Variants in VTI1A observed in about 807,000 individuals in gnomAD.
VTI1A encodes the protein vesicle transport through interaction with t-SNAREs 1A.
Under a neutral mutation model 34.9 loss-of-function variants are expected in VTI1A, and 22 were observed. The ratio of observed to expected loss-of-function variants is 0.63; its 90% CI spans 0.45 to 0.90. The LOEUF (loss-of-function observed/expected upper bound fraction) is 0.90, where lower values mean the gene tolerates loss of function less well. Ranked by LOEUF, VTI1A falls within the 40% of genes least tolerant of loss-of-function variation. VTI1A has a pLI of 0.00. For synonymous variants in VTI1A, 87 were observed against 97.3 expected (o/e 0.89, Z 0.62); for missense variants, 268 against 275.6 (o/e 0.97, Z 0.20).
chr10:112,633,035 G>A (rs890181677), intron 5 of VTI1A, among the ~76,000 whole-genome samples: 1 of 152,082 alleles, frequency 6.6e-6, no homozygotes, highest in African/African-American at 2.4e-5. Context: ...CAAAAAGGTG[G>A]TCTGGGCTGG....
intron 5 of VTI1A, among the ~76,000 whole-genome samples, chr10:112,573,481 G>T (rs1852216739): frequency 6.6e-6 from 1 of 152,198 alleles, no homozygotes; most frequent in African/African-American, 2.4e-5. Context: ...GTATTTGCAT[G>T]TTTGGTGAAA....
At chr10:112,486,865 C>G (rs1251146600) in intron 3 of VTI1A, among the ~76,000 whole-genome samples, 1 of 151,556 alleles carries the variant, frequency 6.6e-6, no homozygotes, top group Non-Finnish European at 1.5e-5. Flanking sequence ...ACAGTAATTT[C>G]TGCATTTCCA....
intron 5 of VTI1A, among the ~76,000 whole-genome samples, chr10:112,561,909 A>G (rs1475428504): frequency 6.6e-6 from 1 of 152,160 alleles, no homozygotes; most frequent in Non-Finnish European, 1.5e-5. Flanking sequence ...AGTTGCTTTT[A>G]TCATCAACAT....
At chr10:112,776,677 A>AT (rs1161945456) in intron 7 of VTI1A, among the ~76,000 whole-genome samples, 42,799 of 131,254 alleles carry the variant, frequency 0.33, 8,313 homozygotes, top group African/African-American at 0.52. Context: ...GGCTGACTTA[A>AT]TTTTTTTTTT....
intron 7 of VTI1A, among the ~76,000 whole-genome samples, chr10:112,812,793 A>G (rs1365800916): frequency 6.6e-6 from 1 of 151,982 alleles, no homozygotes; most frequent in East Asian, 1.9e-4. Context: ...CCCACCCAGC[A>G]CAAAGGAGTT....
intron 5 of VTI1A, among the ~76,000 whole-genome samples, chr10:112,631,274 G>A (rs1349202802): frequency 1.3e-5 from 2 of 152,124 alleles, no homozygotes; most frequent in South Asian, 2.1e-4. Context: ...TACAATTCAC[G>A]TAATAGAAAA....
At chr10:112,798,056 AG>A (rs1157873653) in intron 7 of VTI1A, among the ~76,000 whole-genome samples, 1 of 63,528 alleles carries the variant, frequency 1.6e-5, no homozygotes, top group Non-Finnish European at 5.1e-5. Context: ...AGTAAACACC[AG>A]GCTCCAAAGC....
At chr10:112,845,370 G>A in the VTI1A span, among the ~76,000 whole-genome samples, 3 of 152,224 alleles carry the variant, frequency 2.0e-5, no homozygotes. Flanking sequence ...GTTGGCACAG[G>A]TGGCTGGAGA....
At chr10:112,782,758 A>G (rs1852170193) in intron 7 of VTI1A, among the ~76,000 whole-genome samples, 1 of 152,086 alleles carries the variant, frequency 6.6e-6, no homozygotes, top group Non-Finnish European at 1.5e-5. Context: ...GCCATAGTTC[A>G]TTCCAAAAAT....
chr10:112,652,354 C>T (rs948168918), intron 5 of VTI1A, among the ~76,000 whole-genome samples: 4 of 152,114 alleles, frequency 2.6e-5, no homozygotes, highest in African/African-American at 9.7e-5. Context: ...AGTGAGTATG[C>T]AGTTGCTGTG....
chr10:112,650,347 A>T (rs1413862646), intron 5 of VTI1A, among the ~76,000 whole-genome samples: 4 of 152,146 alleles, frequency 2.6e-5, no homozygotes, highest in African/African-American at 9.7e-5. Flanking sequence ...AACTTGTCCC[A>T]CTGGAAGATC....
chr10:112,505,891 T>G (rs1849412962), intron 3 of VTI1A, among the ~76,000 whole-genome samples: 1 of 152,142 alleles, frequency 6.6e-6, no homozygotes, highest in Non-Finnish European at 1.5e-5. Flanking sequence ...TATTAAAATT[T>G]TAGTTATATA....
At chr10:112,741,724 T>C (rs533028605) in intron 7 of VTI1A, among the ~76,000 whole-genome samples, 4 of 152,286 alleles carry the variant, frequency 2.6e-5, no homozygotes, top group Admixed American at 6.5e-5. Flanking sequence ...TCTTCAAAAA[T>C]CAACATATCT....
At chr10:112,758,237 C>G (rs1173676814) in intron 7 of VTI1A, among the ~76,000 whole-genome samples, 1 of 151,974 alleles carries the variant, frequency 6.6e-6, no homozygotes, top group Admixed American at 6.6e-5. Flanking sequence ...CTTTTAGAGT[C>G]CCATATTACT....
intron 7 of VTI1A, among the ~76,000 whole-genome samples, chr10:112,801,720 G>A (rs532914165): frequency 8.5e-5 from 13 of 152,256 alleles, no homozygotes; most frequent in African/African-American, 3.1e-4. Flanking sequence ...CATTCTTTCT[G>A]TCTCATACTC....
intron 7 of VTI1A, among the ~76,000 whole-genome samples, chr10:112,763,395 C>T (rs1258826927): frequency 4.7e-5 from 7 of 150,426 alleles, no homozygotes; most frequent in Admixed American, 2.0e-4. Context: ...GCAGAGATCA[C>T]GCCACTGCAC....
chr10:112,682,576 T>A (rs1407937015), intron 7 of VTI1A, among the ~76,000 whole-genome samples: 1 of 152,202 alleles, frequency 6.6e-6, no homozygotes, highest in East Asian at 1.9e-4. Flanking sequence ...CACGCTGATA[T>A]GAAGATGAAA....
At chr10:112,733,958 G>A (rs545298543) in intron 7 of VTI1A, among the ~76,000 whole-genome samples, 1 of 151,894 alleles carries the variant, frequency 6.6e-6, no homozygotes, top group African/African-American at 2.4e-5. Flanking sequence ...CACCATGTTG[G>A]TCAGACTGGT....
intron 3 of VTI1A, among the ~76,000 whole-genome samples, chr10:112,468,336 A>G (rs528448208): frequency 1.1e-4 from 17 of 152,248 alleles, no homozygotes; most frequent in Admixed American, 3.9e-4. Context: ...TTTAATCATT[A>G]TTTCTTTTAT....
Sources: allele counts gnomAD v4.1 joint callset (sites outside exome capture counted in the v4.1 genomes callset), GRCh38; gene constraint gnomAD v4.1.1; transcripts MANE v1.5; gene names NCBI Gene and HGNC (gene_info 2026-07-23, HGNC 2026-07-21).